Variants in ABCG5 observed in about 807,000 individuals in gnomAD.
ABCG5 encodes ATP binding cassette subfamily G member 5.
In ABCG5, 64 loss-of-function variants were observed where a neutral mutation model predicts 64.5. That is an observed-to-expected ratio of 0.99 (90% CI 0.81 to 1.22). ABCG5 has a LOEUF of 1.22. ABCG5 is among the 50% of genes most tolerant of loss of function. The pLI is 0.00. For synonymous variants in ABCG5, 385 were observed against 326.3 expected (o/e 1.18, Z -1.94); for missense variants, 908 against 829.5 (o/e 1.09, Z -1.16).
chr2:43,821,673 G>T (rs1667211972), intron 10 of ABCG5, among the ~76,000 whole-genome samples: 1 of 152,062 alleles, frequency 6.6e-6, no homozygotes, highest in South Asian at 2.1e-4. Context: ...CTTTGCCTCA[G>T]CTGGCCCCTG....
upstream of ABCG5, chr2:43,838,921 G>A (rs1028308635): frequency 5.0e-6 from 6 of 1,206,698 alleles, no homozygotes; most frequent in African/African-American, 1.5e-5. The surrounding 1 kb of genome is among the most constrained non-coding windows in gnomAD (Gnocchi z 4.2). Context: ...AGCAAGGAAT[G>A]CTGGGAGAGA....
chr2:43,820,138 G>A (rs377138764), intron 10 of ABCG5, 38 bp from the exon 11 acceptor site: 177 of 1,593,508 alleles, frequency 1.1e-4, no homozygotes, highest in Non-Finnish European at 1.4e-4. Flanking sequence ...CTCTCCAAGG[G>A]CTATCATTTA....
At chr2:43,813,725 T>G (rs1666632865) in intron 12 of ABCG5, among the ~76,000 whole-genome samples, 1 of 134,840 alleles carries the variant, frequency 7.4e-6, no homozygotes, top group Admixed American at 7.5e-5. Context: ...TTTTTTTTTT[T>G]TTTTTTTTTT....
chr2:43,824,240 G>C lies in ABCG5; in HGVS notation c.1097C>G (p.Ser366Cys), dbSNP rs1332683768. ...TTACCTCAGGAGAACACCCAGTTTA[G>C]AGAAAACTCCAGGAGAATCTTTGGT... is the stretch of plus-strand genomic sequence containing the variant. The part of the protein sequence containing the change: ...FKTKDSPGVF[S>C]KLGVLLRRVT... The change falls in exon 8 of 13, where the codon TCT (serine) becomes TGT (cysteine). Residue 366 changes from serine (S) to cysteine (C), a missense_variant. Ser to Cys is a moderately radical substitution (Grantham distance 112, BLOSUM62 -1). Coordinates refer to ENST00000405322, the MANE Select transcript of ABCG5 (RefSeq NM_022436.3). 6.2e-7 allele frequency: 1 copy of C among 1,614,238 alleles called. No individual in the cohort carries two copies. The highest frequency in any genetic ancestry group is 1.7e-5 in the Admixed American group (1 of 60,026).
At chr2:43,816,998 G>C (rs1359653519) in intron 11 of ABCG5, among the ~76,000 whole-genome samples, 1 of 152,170 alleles carries the variant, frequency 6.6e-6, no homozygotes, top group African/African-American at 2.4e-5. Flanking sequence ...AAATGCCTTA[G>C]GCAGTTCACC....
At position 43,838,502 on chromosome 2, in the gene ABCG5, C is replaced by G; in HGVS notation, c.143+35G>C. On this transcript the variant is annotated intron_variant, in intron 1 of 12. Transcript: ENST00000405322. The surrounding 1 kb of genome is among the most constrained non-coding windows in gnomAD (Gnocchi z 4.2). Reference sequence around the variant, plus strand: ...GGGGTGAGCGCCGGGCCCCGCACTCCTGGGGGAGCAGCAGCAGCAAGGGCT... The same window carrying G: ...GGGGTGAGCGCCGGGCCCCGCACTCGTGGGGGAGCAGCAGCAGCAAGGGCT... 1 of 1,575,020 alleles carries G rather than the reference C, an allele frequency of 6.3e-7. No homozygotes were observed. Among genetic ancestry groups the G allele is most frequent in the Non-Finnish European group, 8.6e-7 (1 of 1,160,464 alleles).
At chr2:43,822,620 G>C (rs1667303869) in intron 10 of ABCG5, 177 bp downstream of exon 10, 4 of 984,646 alleles carry the variant, frequency 4.1e-6, no homozygotes, top group African/African-American at 1.7e-5. Flanking sequence ...ACCCACAGTT[G>C]GGCTATTTAC....
At chr2:43,836,410 A>G (rs1572803368) in intron 2 of ABCG5, among the ~76,000 whole-genome samples, 1 of 152,206 alleles carries the variant, frequency 6.6e-6, no homozygotes, top group East Asian at 1.9e-4. Flanking sequence ...ACACAAGTAG[A>G]GAGTGGCAGT....
downstream of ABCG5, among the ~76,000 whole-genome samples, chr2:43,807,600 C>T (rs909623752): frequency 1.3e-5 from 2 of 151,752 alleles, no homozygotes; most frequent in Non-Finnish European, 2.9e-5. Context: ...TCACCATGCC[C>T]GGGTAATTTT....
chr2:43,823,971 G>T lies in ABCG5; in HGVS notation c.1266C>A (p.Leu422=), dbSNP rs1667422245. The T allele has an allele frequency of 6.2e-7, 1 of 1,614,092 alleles. No individual in the cohort carries two copies. Among genetic ancestry groups the T allele is most frequent in the South Asian group, 1.1e-5 (1 of 91,094 alleles). The change falls in exon 9 of 13, where the codon CTC becomes CTA. Residue 422 remains leucine (L), a synonymous_variant. Coordinates refer to ENST00000405322, the MANE Select transcript of ABCG5 (RefSeq NM_022436.3). ...GGGTGGCGCCCACAAACTGGTAAAG[G>T]AGACCTACGCGGTCCTGGATAGCAC... ...LKGAIQDRVG[L]LYQFVGATPY...
chr2:43,823,419 T>C (rs987077818), intron 9 of ABCG5, among the ~76,000 whole-genome samples: 1 of 152,138 alleles, frequency 6.6e-6, no homozygotes, highest in East Asian at 1.9e-4. Flanking sequence ...CCTTCCCTCT[T>C]ATTCCCTAAC....
At chr2:43,819,788 C>A in intron 11 of ABCG5, 127 bp downstream of exon 11, 1 of 1,011,272 alleles carries the variant, frequency 9.9e-7, no homozygotes, top group South Asian at 1.4e-5. Context: ...AGTATAAATG[C>A]TCTAGACTAT....
chr2:43,838,838 C>A lies in ABCG5; in HGVS notation c.-159G>T. ...GGGACTTGGCCACGGAGACCATTAT[C>A]TGATGTACCTTTAGCCAGCGCGTCC... is the stretch of plus-strand genomic sequence containing the variant. On this transcript the variant is annotated 5_prime_UTR_variant, in exon 1 of 13. Transcript: ENST00000405322. This position sits in a 1 kb window ranked among gnomAD's most constrained non-coding sequence, Gnocchi z 4.2. 7.3e-7 allele frequency: 1 copy of A among 1,378,988 alleles called. No homozygotes were observed. The highest frequency in any genetic ancestry group is 1.0e-6 in the Non-Finnish European group (1 of 1,001,104). The allele number at this position is 1,378,988 out of a possible 1,614,324, so 85.4% of individuals were successfully genotyped here.
chr2:43,820,307 A>T (rs949499086), intron 10 of ABCG5, among the ~76,000 whole-genome samples: 2 of 152,226 alleles, frequency 1.3e-5, no homozygotes, highest in East Asian at 1.9e-4. Flanking sequence ...GCTGCAACTC[A>T]TTGGGAGCCA....
chr2:43,814,221 A>G (rs1426826953), intron 12 of ABCG5, among the ~76,000 whole-genome samples: 1 of 152,190 alleles, frequency 6.6e-6, no homozygotes, highest in African/African-American at 2.4e-5. Context: ...AGTTTACCTC[A>G]GTGTACATAA....
chr2:43,823,025 G>A, intron 9 of ABCG5, 90 bp from the exon 10 acceptor site: 2 of 1,555,342 alleles, frequency 1.3e-6, no homozygotes, highest in Non-Finnish European at 1.7e-6. Flanking sequence ...GGTCTGTCAG[G>A]GCTGGATGGT....
chr2:43,814,637 G>T, intron 11 of ABCG5, 48 bp from the exon 12 acceptor site: 1 of 1,092,160 alleles, frequency 9.2e-7, no homozygotes. Context: ...TCTGGCAATA[G>T]TCCTACCAAA....
rs141053836 is a variant in ABCG5 at position 43,814,481 on chromosome 2, A to G, written c.1758T>C (p.Thr586=). 15 of 1,592,770 alleles carry G rather than the reference A, an allele frequency of 9.4e-6. No homozygotes were observed. The African/African-American group carries it at 2.0e-4, about 21-fold the overall frequency. ...ATCCCCAAATAGAATACTTACCACA[A>G]GTGAAATTCAGTCCGTAGAACTCAT... ...VVNEFYGLNF[T]CGSSNVSVTT... The change falls in exon 12 of 13, where the codon ACT becomes ACC. Residue 586 remains threonine (T), a synonymous_variant. Transcript: ENST00000405322.
chr2:43,815,736 G>C (rs959027329), intron 11 of ABCG5, among the ~76,000 whole-genome samples: 23 of 152,274 alleles, frequency 1.5e-4, no homozygotes, highest in Admixed American at 1.5e-3. Context: ...TGAAGGAACA[G>C]TGGGAGGGGA....
Sources: gnomAD v4.1 joint callset for allele counts (sites outside exome capture counted in the v4.1 genomes callset) on GRCh38, gnomAD v4.1.1 for gene constraint, Gnocchi (gnomAD v3.1) non-coding constraint, MANE v1.5 for transcripts, NCBI Gene and HGNC (gene_info 2026-07-23, HGNC 2026-07-21) for gene names.